The following TLN2 variants were observed in gnomAD, a reference collection of about 807,000 sequenced individuals.
TLN2 encodes the protein talin 2, also known as talin-2.
Under a neutral mutation model 294.7 loss-of-function variants are expected in TLN2, and 118 were observed. The observed-to-expected ratio is 0.40, with a 90% confidence interval of 0.34 to 0.47. The LOEUF is 0.47. Among genes scored for constraint, TLN2 ranks in the 20% least tolerant of loss-of-function variants. TLN2 has a pLI of 0.84. For synonymous variants in TLN2, 1,431 were observed against 1,304.5 expected, an observed-to-expected ratio of 1.10 and a Z score of -2.09; for missense variants, 3,083 against 3,282.2, an observed-to-expected ratio of 0.94 and a Z score of 1.48.
intron 16 of TLN2, 32 bp from the exon 17 acceptor site, chr15:62,701,074 T>C (rs1237118726): frequency 6.3e-7 from 1 of 1,587,902 alleles, no homozygotes; most frequent in Admixed American, 1.7e-5. Context: ...TTCTGTGCTG[T>C]GATTGTGTTG....
At chr15:62,575,461 T>TA (rs1251997509) in intron 1 of TLN2, among the ~76,000 whole-genome samples, 1 of 152,246 alleles carries the variant, frequency 6.6e-6, no homozygotes, top group African/African-American at 2.4e-5. Flanking sequence ...AATTGCTATA[T>TA]AGAATTTTCT....
chr15:62,665,636 G>C (rs899164430), intron 9 of TLN2, among the ~76,000 whole-genome samples: 5 of 152,148 alleles, frequency 3.3e-5, no homozygotes, highest in African/African-American at 1.2e-4. Context: ...AGAAAACAAA[G>C]CAACCCAGGG....
At position 62,840,620 on chromosome 15, in the gene TLN2, C is replaced by G; in HGVS notation, c.*10C>G. ...GGAAGATGAGGGCTAAAGGTGCGAGCCCAGATGGCGAGCCCCAGGGGATGG... is the reference window on the plus strand; with the variant it reads ...GGAAGATGAGGGCTAAAGGTGCGAGGCCAGATGGCGAGCCCCAGGGGATGG... On this transcript the variant is annotated 3_prime_UTR_variant, in exon 59 of 59. Transcript: ENST00000636159. The G allele has an allele frequency of 2.5e-6, 4 of 1,612,396 alleles. No homozygotes were observed. The highest frequency in any genetic ancestry group is 3.4e-6 in the Non-Finnish European group (4 of 1,179,194).
At chr15:62,645,187 GC>G in intron 3 of TLN2, 1 of 153,682 alleles carries the variant, frequency 6.5e-6, no homozygotes, top group South Asian at 2.0e-4. Flanking sequence ...GGTTAACTAG[GC>G]CTATAAAGAG....
chr15:62,532,797 C>G (rs2041120457), intron 1 of TLN2, among the ~76,000 whole-genome samples: 1 of 152,102 alleles, frequency 6.6e-6, no homozygotes, highest in Non-Finnish European at 1.5e-5. Context: ...TTCCACTTCC[C>G]CAGTCAGTTC....
intron 1 of TLN2, among the ~76,000 whole-genome samples, chr15:62,486,245 C>G (rs902334012): frequency 4.6e-5 from 7 of 152,092 alleles, no homozygotes; most frequent in Non-Finnish European, 7.3e-5. Flanking sequence ...GGCAGACATT[C>G]CTTTCATAAC....
At chr15:62,394,735 T>G (rs561174599) in intron 1 of TLN2, among the ~76,000 whole-genome samples, 1 of 152,186 alleles carries the variant, frequency 6.6e-6, no homozygotes, top group Non-Finnish European at 1.5e-5. Context: ...GATAACATGC[T>G]TAAGGTAGAC....
At chr15:62,774,382 G>C (rs1407244893) in intron 42 of TLN2, among the ~76,000 whole-genome samples, 1 of 152,092 alleles carries the variant, frequency 6.6e-6, no homozygotes, top group Admixed American at 6.5e-5. Context: ...CCACCTCATT[G>C]TTGGGCCCAC....
chr15:62,815,198 CACACACACACACA>C, intron 52 of TLN2, among the ~76,000 whole-genome samples: 1 of 149,066 alleles, frequency 6.7e-6, no homozygotes, highest in African/African-American at 2.5e-5. Flanking sequence ...CACACACACA[CACACACACACACA>C]CACACACACA....
At chr15:62,692,357 C>T (rs2057993797) in intron 12 of TLN2, among the ~76,000 whole-genome samples, 1 of 152,174 alleles carries the variant, frequency 6.6e-6, no homozygotes, top group Non-Finnish European at 1.5e-5. Context: ...GGTTGTGGAA[C>T]AGGGCCTGGG....
At chr15:62,762,202 C>A (rs1473713255) in intron 38 of TLN2, 70 bp from the exon 39 acceptor site, 7 of 1,554,448 alleles carry the variant, frequency 4.5e-6, no homozygotes, top group South Asian at 1.2e-5. Context: ...AAGAACAGGA[C>A]CTTTCAGGGC....
At position 62,520,591 on chromosome 15, in the gene TLN2, A is replaced by G. The variant is rs2040407176; in HGVS notation, c.-237-69096A>G. Among the ~76,000 whole-genome samples, 4 of 152,358 alleles carry G rather than the reference A, an allele frequency of 2.6e-5. No homozygotes were observed. The South Asian group carries it at 8.3e-4, about 32-fold the overall frequency. ...CCCCTCTGTTGGCAACGGGACACTA[A>G]GTCAACCTTTTCTTATTTCTTCTAA... On this transcript the variant is annotated intron_variant, in intron 1 of 58. Transcript: ENST00000636159.
intron 1 of TLN2, among the ~76,000 whole-genome samples, chr15:62,576,154 T>C (rs889334028): frequency 1.3e-5 from 2 of 152,062 alleles, no homozygotes; most frequent in South Asian, 4.2e-4. Context: ...TTCAAGGAAG[T>C]ATACAAAACA....
At chr15:62,584,630 C>G (rs1224345174) in intron 1 of TLN2, among the ~76,000 whole-genome samples, 1 of 152,172 alleles carries the variant, frequency 6.6e-6, no homozygotes, top group African/African-American at 2.4e-5. Context: ...GAGCTGGACT[C>G]TAATCATTGG....
intron 9 of TLN2, among the ~76,000 whole-genome samples, chr15:62,662,310 T>C (rs1438196203): frequency 6.6e-6 from 1 of 152,114 alleles, no homozygotes; most frequent in Non-Finnish European, 1.5e-5. Context: ...TTGAAAGAAA[T>C]TGACTTATCA....
chr15:62,752,184 A>C, intron 34 of TLN2, 121 bp from the exon 35 acceptor site: 1 of 1,301,474 alleles, frequency 7.7e-7, no homozygotes. Flanking sequence ...CAAATAAAGG[A>C]GAAAATGTCA....
At chr15:62,497,041 C>A (rs773125379) in intron 1 of TLN2, among the ~76,000 whole-genome samples, 35 of 152,302 alleles carry the variant, frequency 2.3e-4, no homozygotes, top group African/African-American at 7.0e-4. Context: ...CTGTCCCTTA[C>A]ATGTGTGACT....
intron 1 of TLN2, among the ~76,000 whole-genome samples, chr15:62,548,921 TTATTC>T (rs1396298743): frequency 1.3e-5 from 2 of 152,312 alleles, no homozygotes; most frequent in Non-Finnish European, 2.9e-5. Flanking sequence ...ATCCAAGACT[TTATTC>T]TATAGTTAGA....
intron 2 of TLN2, among the ~76,000 whole-genome samples, chr15:62,601,584 G>A (rs374216406): frequency 4.6e-5 from 7 of 152,204 alleles, no homozygotes; most frequent in African/African-American, 1.7e-4. Flanking sequence ...TTACATTACT[G>A]GCAATTGATG....
Sources: allele counts gnomAD v4.1 joint callset (sites outside exome capture counted in the v4.1 genomes callset), GRCh38; gene constraint gnomAD v4.1.1; transcripts MANE v1.5; gene names NCBI Gene and HGNC (gene_info 2026-07-23, HGNC 2026-07-21).